Variants in CXCL17 observed in about 807,000 individuals in gnomAD.
CXCL17 encodes the protein C-X-C motif chemokine 17.
In CXCL17, 9 loss-of-function variants were observed where a neutral mutation model predicts 15.5. The observed-to-expected ratio is 0.58, with a 90% CI of 0.35 to 1.01. The LOEUF (loss-of-function observed/expected upper bound fraction) is 1.01. CXCL17 is among the 50% of genes least tolerant of loss of function. The probability of loss-of-function intolerance (pLI) is 0.02; values close to 1 mark genes in which losing one functional copy is unlikely to be tolerated. For synonymous variants in CXCL17, 52 were observed against 52.3 expected (o/e 0.99, Z 0.02); for missense variants, 133 against 138.2 (o/e 0.96, Z 0.19).
intron 1 of CXCL17, 91 bp from the exon 2 acceptor site, chr19:42,433,947 AT>A: frequency 1.2e-6 from 1 of 856,346 alleles, no homozygotes; most frequent in Non-Finnish European, 1.9e-6. Context: ...GCACAGTTCC[AT>A]TTTTCCATTT....
At chr19:42,441,745 A>G (rs769284058) in intron 1 of CXCL17, among the ~76,000 whole-genome samples, 66 of 152,168 alleles carry the variant, frequency 4.3e-4, no homozygotes, top group Non-Finnish European at 7.2e-4. Context: ...GGTGCTCACA[A>G]GCGGAAATAT....
intron 1 of CXCL17, among the ~76,000 whole-genome samples, chr19:42,438,048 G>T (rs1246669723): frequency 6.6e-6 from 1 of 151,790 alleles, no homozygotes; most frequent in Non-Finnish European, 1.5e-5. Flanking sequence ...TTAACAATAA[G>T]ATAGAACAAT....
rs1001568080 is a variant in CXCL17 at position 42,428,578 on chromosome 19, A to G, written c.*306T>C. 4.4e-5 allele frequency: 11 copies of G among 251,400 alleles called. No individual in the cohort carries two copies. Among genetic ancestry groups the G allele is most frequent in the Non-Finnish European group, 6.9e-5 (9 of 130,896 alleles). The allele number at this position is 251,400 out of a possible 1,614,324, so 15.6% of individuals were successfully genotyped here. A position where few individuals can be genotyped will look rare whatever the true frequency, so the allele number is the denominator to read the frequency against. On this transcript the variant is annotated 3_prime_UTR_variant, in exon 4 of 4. Transcript: ENST00000601181. ...AAATATTTATTGACTTCTGTTTGCT[A>G]CTTTCCTGATTGCATTTAAGGTTAA...
intron 1 of CXCL17, among the ~76,000 whole-genome samples, chr19:42,435,530 C>T (rs2040825498): frequency 6.6e-6 from 1 of 151,770 alleles, no homozygotes; most frequent in South Asian, 2.1e-4. Flanking sequence ...GCCTGGTGTC[C>T]TTATAAGAAA....
intron 1 of CXCL17, 22 bp from the exon 2 acceptor site, chr19:42,433,878 C>T: frequency 6.3e-7 from 1 of 1,589,222 alleles, no homozygotes; most frequent in Non-Finnish European, 8.6e-7. Context: ...AAACAGGTCA[C>T]ATCCAGACAC....
intron 1 of CXCL17, among the ~76,000 whole-genome samples, chr19:42,436,171 G>T (rs529775210): frequency 2.4e-4 from 36 of 149,202 alleles, no homozygotes; most frequent in Non-Finnish European, 4.9e-4. Flanking sequence ...TGTTCAACAC[G>T]TGGATGGATA....
chr19:42,438,381 A>AATATATATATATATAT (rs1201763586), intron 1 of CXCL17, among the ~76,000 whole-genome samples: 14 of 63,844 alleles, frequency 2.2e-4, no homozygotes, highest in African/African-American at 9.1e-4. Flanking sequence ...AAAAAAAAAA[A>AATATATATATATATAT]ATATATATAT....
chr19:42,440,550 C>T (rs987843392), intron 1 of CXCL17, among the ~76,000 whole-genome samples: 7 of 152,204 alleles, frequency 4.6e-5, no homozygotes. Flanking sequence ...GTTCCTCACC[C>T]TCGTGCTTTA....
Position 42,433,628 on chromosome 19 carries a change from T to G in CXCL17, c.160+148A>C, listed in dbSNP as rs2040804941. The G allele has an allele frequency of 6.1e-6, 4 of 661,032 alleles. No individual in the cohort carries two copies. The East Asian group carries it at 1.1e-4, about 18-fold the overall frequency. The allele number at this position is 661,032 out of a possible 1,614,324, so 40.9% of individuals were successfully genotyped here. A position where few individuals can be genotyped will look rare whatever the true frequency, so the allele number is the denominator to read the frequency against. ...TCTTGCCTGAGAGTCAGGAAGAAAGTGGGCACAGGTGCTGCATGTGGCAGG... is the reference window on the plus strand; with the variant it reads ...TCTTGCCTGAGAGTCAGGAAGAAAGGGGGCACAGGTGCTGCATGTGGCAGG... On this transcript the variant is annotated intron_variant, in intron 2 of 3. Transcript: ENST00000601181.
intron 1 of CXCL17, among the ~76,000 whole-genome samples, chr19:42,439,274 A>AG (rs1491400443): frequency 2.3e-5 from 3 of 130,498 alleles, no homozygotes; most frequent in African/African-American, 8.2e-5. Flanking sequence ...AAAAAAAAAA[A>AG]GAAAAAGAAA....
At chr19:42,438,507 AT>A (rs1202460422) in intron 1 of CXCL17, among the ~76,000 whole-genome samples, 2 of 150,164 alleles carry the variant, frequency 1.3e-5, no homozygotes, top group African/African-American at 4.9e-5. Context: ...AGATAACAAT[AT>A]TTTTGGACCA....
At chr19:42,435,638 T>C (rs1465088340) in intron 1 of CXCL17, among the ~76,000 whole-genome samples, 1 of 152,036 alleles carries the variant, frequency 6.6e-6, no homozygotes, top group East Asian at 1.9e-4. Flanking sequence ...GAGACCAGCC[T>C]GGCCAACATA....
chr19:42,433,144 G>A (rs756840695), intron 2 of CXCL17, 67 bp from the exon 3 acceptor site: 1 of 1,120,808 alleles, frequency 8.9e-7, no homozygotes, highest in Non-Finnish European at 1.3e-6. Flanking sequence ...GTAGGACAGA[G>A]CTTTAATCGC....
intron 3 of CXCL17, among the ~76,000 whole-genome samples, chr19:42,432,348 T>G (rs2040791852): frequency 6.6e-6 from 1 of 152,098 alleles, no homozygotes; most frequent in Non-Finnish European, 1.5e-5. Context: ...TTTCACCATG[T>G]TGGCCAGGCT....
In CXCL17 at chr19:42,433,043, C is replaced by CA. The variant is rs764179869; in HGVS notation, c.194dup (p.Met65IlefsTer14). 1.2e-6 allele frequency: 2 copies of CA among 1,613,990 alleles called. No homozygotes were observed. Among genetic ancestry groups the CA allele is most frequent in the Middle Eastern group, 1.7e-4 (1 of 6,060 alleles). Reference sequence around the variant, plus strand: ...GCTTCTTTGGCAGCCCAGACACTGTCATGAATTTTCTTCTCGGGGCTCTCA... The same window carrying CA: ...GCTTCTTTGGCAGCCCAGACACTGTCAATGAATTTTCTTCTCGGGGCTCTCA... On this transcript the variant is annotated frameshift_variant, in exon 3 of 4. Transcript: ENST00000601181. LOFTEE classifies it high-confidence loss of function.
At position 42,428,793 on chromosome 19, in the gene CXCL17, A is replaced by G. The variant is rs190462613; in HGVS notation, c.*91T>C. ...GATTTAGGGGTGGGTACAGTGGGAGAGTGAGGTGGGAGAAGAAGAGTGTCT... is the reference window on the plus strand; with the variant it reads ...GATTTAGGGGTGGGTACAGTGGGAGGGTGAGGTGGGAGAAGAAGAGTGTCT... On this transcript the variant is annotated 3_prime_UTR_variant, in exon 4 of 4. Transcript: ENST00000601181. 5.4e-6 allele frequency: 5 copies of G among 919,558 alleles called. No individual in the cohort carries two copies. The highest frequency in any genetic ancestry group is 2.6e-5 in the South Asian group (2 of 75,582). The allele number at this position is 919,558 out of a possible 1,614,324, so 57.0% of individuals were successfully genotyped here.
intron 1 of CXCL17, among the ~76,000 whole-genome samples, chr19:42,436,889 A>AT (rs1219741019): frequency 6.6e-6 from 1 of 152,146 alleles, no homozygotes; most frequent in Non-Finnish European, 1.5e-5. Flanking sequence ...AAAGTTAAGA[A>AT]TTGCTTTCAG....
intron 3 of CXCL17, among the ~76,000 whole-genome samples, chr19:42,432,572 C>G (rs948069208): frequency 1.3e-5 from 2 of 152,000 alleles, no homozygotes; most frequent in Non-Finnish European, 2.9e-5. Context: ...AGTTTGAGAC[C>G]AACCTGGGCA....
intron 1 of CXCL17, among the ~76,000 whole-genome samples, chr19:42,440,236 T>A (rs539313551): frequency 6.6e-6 from 1 of 152,190 alleles, no homozygotes; most frequent in Non-Finnish European, 1.5e-5. Context: ...TAATGAATAA[T>A]CTGTTATTTT....
Sources: allele counts gnomAD v4.1 joint callset (sites outside exome capture counted in the v4.1 genomes callset), GRCh38; gene constraint gnomAD v4.1.1; transcripts MANE v1.5; gene names NCBI Gene and HGNC (gene_info 2026-07-23, HGNC 2026-07-21).